CHAF1A: variants seen among roughly 807,000 people sequenced by gnomAD.
The protein encoded by CHAF1A is CAF-1 subunit A.
In CHAF1A, 5 loss-of-function variants were observed where a neutral mutation model predicts 93.2. That is an observed-to-expected ratio of 0.05 (90% CI 0.03 to 0.11). The LOEUF (loss-of-function observed/expected upper bound fraction) is 0.11, where lower values mean the gene tolerates loss of function less well. CHAF1A is among the 10% of genes least tolerant of loss of function. CHAF1A has a pLI of 1.00. For synonymous variants in CHAF1A, 504 were observed against 510.3 expected (o/e 0.99, Z 0.17); for missense variants, 1,102 against 1,259.9 (o/e 0.87, Z 1.90).
At chr19:4,426,828 T>C (rs243367) in intron 7 of CHAF1A, among the ~76,000 whole-genome samples, 49,669 of 152,006 alleles carry the variant, frequency 0.33, 8,605 homozygotes, top group East Asian at 0.6. Flanking sequence ...CGGTGGCTTA[T>C]GCCTGTAATC....
intron 13 of CHAF1A, among the ~76,000 whole-genome samples, chr19:4,436,220 C>A (rs913724488): frequency 1.3e-5 from 2 of 152,180 alleles, no homozygotes; most frequent in African/African-American, 4.8e-5. Context: ...GCTCAGCCAT[C>A]TCCCTGCTGC....
At position 4,422,987 on chromosome 19, in the gene CHAF1A, C is replaced by CT. The variant is rs1974017742; in HGVS notation, c.1247+193dup. ...GAAAGCAGCTCCCTGCTCTTTAGTG[C>CT]TCCCCCACGTCCAACTCACCCTGGA... On this transcript the variant is annotated intron_variant, in intron 5 of 14. Coordinates refer to ENST00000301280, the MANE Select transcript of CHAF1A (RefSeq NM_005483.3). This position sits in a 1 kb window ranked among gnomAD's most constrained non-coding sequence, Gnocchi z 4.6. Among the ~76,000 whole-genome samples, 1 of 152,212 alleles carries CT rather than the reference C, an allele frequency of 6.6e-6. No individual in the cohort carries two copies. Among genetic ancestry groups the CT allele is most frequent in the African/African-American group, 2.4e-5 (1 of 41,460 alleles).
At chr19:4,432,903 G>A (rs765459593) in intron 12 of CHAF1A, among the ~76,000 whole-genome samples, 167 bp from the exon 13 acceptor site, 3 of 152,144 alleles carry the variant, frequency 2.0e-5, no homozygotes, top group Non-Finnish European at 4.4e-5. Flanking sequence ...GGGCAGGTGC[G>A]TAGGTGCTAC....
downstream of CHAF1A, chr19:4,447,423 T>A (rs1256220238): frequency 2.1e-5 from 21 of 1,012,382 alleles, no homozygotes; most frequent in South Asian, 2.7e-4. Context: ...AACCCTTCAC[T>A]GCTTGTGGCT....
downstream of CHAF1A, chr19:4,448,154 C>G: frequency 1.5e-6 from 1 of 646,720 alleles, no homozygotes; most frequent in East Asian, 2.7e-5. Context: ...AGGCCCAGCC[C>G]TTTGCCTGAG....
At position 4,429,504 on chromosome 19, in the gene CHAF1A, G is replaced by A. The variant is rs764009577; in HGVS notation, c.1671G>A (p.Met557Ile). The change falls in exon 9 of 15, where the codon ATG becomes ATA. Residue 557 changes from methionine to isoleucine, a missense_variant. By Grantham distance (10) the Met-to-Ile change is conservative. Coordinates refer to ENST00000301280, the MANE Select transcript of CHAF1A (RefSeq NM_005483.3). ...CCGAGAGGAGGAAGTTTGGCAGGAT[G>A]AAGCTCCTGCAGTTCTGTGAGAACC... The part of the protein sequence containing the change: ...GVPERRKFGR[M>I]KLLQFCENHR... 2 of 1,613,992 alleles carry A rather than the reference G, an allele frequency of 1.2e-6. No individual in the cohort carries two copies. Among genetic ancestry groups the A allele is most frequent in the Non-Finnish European group, 8.5e-7 (1 of 1,179,966 alleles).
the CHAF1A span, chr19:4,450,551 G>T: frequency 6.6e-6 from 1 of 152,148 alleles, no homozygotes; most frequent in African/African-American, 2.4e-5. Context: ...GAGGTCAGGA[G>T]ATCGAGACCA....
downstream of CHAF1A, chr19:4,445,950 C>T (rs568260682): frequency 6.7e-6 from 10 of 1,499,532 alleles, no homozygotes; most frequent in South Asian, 1.2e-4. Context: ...GCCCCCTGCT[C>T]TGAGAACAAG....
At chr19:4,443,552 G>C (rs1974438558), downstream of CHAF1A, among the ~76,000 whole-genome samples, 1 of 152,200 alleles carries the variant, frequency 6.6e-6, no homozygotes, top group Non-Finnish European at 1.5e-5. Flanking sequence ...CCTCATACCA[G>C]GCTGACCTGG....
rs1974015047 is a variant in CHAF1A at position 4,422,857 on chromosome 19, A to C, written c.1247+62A>C. The C allele has an allele frequency of 6.8e-7, 1 of 1,475,638 alleles. No individual in the cohort carries two copies. The highest frequency in any genetic ancestry group is 1.4e-5 in the African/African-American group (1 of 71,790). 91.4% of individuals were successfully genotyped at this position (1,475,638 alleles called of 1,614,324 possible). ...CTGCTGCTGGATTCCGCTCCTGGCC[A>C]CTCTGATGGGGCCTTTCCACTTCAC... On this transcript the variant is annotated intron_variant, in intron 5 of 14. Transcript: ENST00000301280. This position sits in a 1 kb window ranked among gnomAD's most constrained non-coding sequence, Gnocchi z 4.6.
rs556318945 is a variant in CHAF1A at position 4,437,218 on chromosome 19, G to A, written c.2673+3679G>A. On this transcript the variant is annotated intron_variant, in intron 13 of 14. Coordinates refer to ENST00000301280, the MANE Select transcript of CHAF1A (RefSeq NM_005483.3). ...CCACCCCTGAACCTCCTGCAGTTTGGGACATAAACGTCCCTGGGGAGCAGG... is the reference window on the plus strand; with the variant it reads ...CCACCCCTGAACCTCCTGCAGTTTGAGACATAAACGTCCCTGGGGAGCAGG... Among the ~76,000 whole-genome samples, 9 of 152,268 alleles carry A rather than the reference G, an allele frequency of 5.9e-5. No individual in the cohort carries two copies. The South Asian group carries it at 1.5e-3, about 25-fold the overall frequency.
At chr19:4,409,800 G>A (rs768635365) in intron 3 of CHAF1A, 41 bp downstream of exon 3, 124 of 1,554,520 alleles carry the variant, frequency 8.0e-5, no homozygotes, top group East Asian at 1.8e-4. Context: ...CAGTGCTCAC[G>A]GATCTCAGAG....
chr19:4,411,256 G>A (rs369279764), intron 3 of CHAF1A, among the ~76,000 whole-genome samples: 1 of 152,212 alleles, frequency 6.6e-6, no homozygotes, highest in East Asian at 1.9e-4. Flanking sequence ...TTGAGACAGA[G>A]TCTTGCTCTG....
chr19:4,448,480 C>A, downstream of CHAF1A: 1 of 1,330,002 alleles, frequency 7.5e-7, no homozygotes, highest in Non-Finnish European at 1.1e-6. Flanking sequence ...CTCCGCTGCC[C>A]AGGTAACAGG....
At chr19:4,447,724 G>T (rs1974566940), downstream of CHAF1A, 3 of 1,265,890 alleles carry the variant, frequency 2.4e-6, no homozygotes, top group East Asian at 2.3e-5. Context: ...GCCACACTTG[G>T]CCTCTAGTCA....
At chr19:4,445,785 A>T, downstream of CHAF1A, 3 of 1,233,254 alleles carry the variant, frequency 2.4e-6, no homozygotes, top group Non-Finnish European at 3.3e-6. Context: ...TCCCTCCGGG[A>T]CTCCAGGACC....
intron 7 of CHAF1A, among the ~76,000 whole-genome samples, chr19:4,427,120 C>CA (rs1265651067): frequency 1.0e-5 from 1 of 99,412 alleles, no homozygotes; most frequent in Non-Finnish European, 2.0e-5. Flanking sequence ...TGTGATCTTT[C>CA]AAAAAAAGAC....
At chr19:4,404,819 TGCTGC>T (rs1281133292) in intron 1 of CHAF1A, among the ~76,000 whole-genome samples, 1 of 69,472 alleles carries the variant, frequency 1.4e-5, no homozygotes, top group Non-Finnish European at 2.8e-5. Context: ...TTATGATCAC[TGCTGC>T]ATCTGCTTTG....
downstream of CHAF1A, among the ~76,000 whole-genome samples, chr19:4,443,878 G>T (rs373606716): frequency 6.6e-6 from 1 of 152,162 alleles, no homozygotes; most frequent in African/African-American, 2.4e-5. Flanking sequence ...ACGCAGCCAC[G>T]GGGAGGGTCA....
Sources: gnomAD v4.1 joint callset for allele counts (sites outside exome capture counted in the v4.1 genomes callset) on GRCh38, gnomAD v4.1.1 for gene constraint, Gnocchi (gnomAD v3.1) non-coding constraint, MANE v1.5 for transcripts, NCBI Gene and HGNC (gene_info 2026-07-23, HGNC 2026-07-21) for gene names.